The following FN1 variants were observed in gnomAD, a reference collection of about 807,000 sequenced individuals.
FN1 encodes the protein fibronectin 1, also known as fibronectin.
FN1 carries 106 observed loss-of-function variants against 297.3 expected under a neutral mutation model. That is an observed-to-expected ratio of 0.36 (90% CI 0.30 to 0.42). The LOEUF is 0.42. Among genes scored for constraint, FN1 ranks in the 10% least tolerant of loss-of-function variants. FN1 has a pLI of 1.00. For missense variants in FN1, 2,690 were observed against 3,124.9 expected (o/e 0.86, Z 3.32); for synonymous variants, 1,149 against 1,152.6 (o/e 1.00, Z 0.06).
chr2:215,374,871 A>G (rs761727419), intron 38 of FN1, among the ~76,000 whole-genome samples: 1 of 152,226 alleles, frequency 6.6e-6, no homozygotes, highest in Non-Finnish European at 1.5e-5. Context: ...TGCCATATCT[A>G]TAGAGAGCTG....
At chr2:215,370,020 C>T (rs2055529707) in intron 41 of FN1, among the ~76,000 whole-genome samples, 1 of 152,150 alleles carries the variant, frequency 6.6e-6, no homozygotes, top group African/African-American at 2.4e-5. Flanking sequence ...GAGTGTTGTA[C>T]TAAATAATAT....
In FN1 at chr2:215,388,243, C is replaced by T. The variant is rs773040922; in HGVS notation, c.4311G>A (p.Glu1437=). 6.4e-5 allele frequency: 104 copies of T among 1,613,922 alleles called. No homozygotes were observed. Among genetic ancestry groups the T allele is most frequent in the Non-Finnish European group, 8.7e-5 (103 of 1,179,912 alleles). Residue 1437 remains glutamate (E), a synonymous_variant, in exon 27 of 46, where the codon GAG becomes GAA. Coordinates refer to ENST00000354785, the MANE Select transcript of FN1 (RefSeq NM_212482.4). ...VSVSSVYEQH[E]STPLRGRQKT... ...TCTGTCTTCCTCTAAGAGGTGTGCT[C>T]TCATGTTGTTCGTAGACACTGGAGA... is the stretch of plus-strand genomic sequence containing the variant.
At chr2:215,370,566 A>AAAAAAAAAAAAAAAAAC (rs2055778175) in intron 40 of FN1, 134 bp from the exon 41 acceptor site, 1 of 793,658 alleles carries the variant, frequency 1.3e-6, no homozygotes, top group African/African-American at 1.8e-5. Context: ...AAAAAAAAAA[A>AAAAAAAAAAAAAAAAAC]AAGAGGGAGG....
At position 215,414,612 on chromosome 2, in the gene FN1, GC is replaced by G. The variant is rs572815095; in HGVS notation, c.1941+224del. On this transcript the variant is annotated intron_variant, in intron 13 of 45. Transcript: ENST00000354785. The stretch of plus-strand genomic sequence containing the variant: ...AAGAGCTAAATTCTTCCAAATACCA[GC>G]CCCCCCACCGCAAAAAAACAAAACC... 528 of 1,077,606 alleles carry G rather than the reference GC, an allele frequency of 4.9e-4. 3 individuals are homozygous for G. In the African/African-American group the frequency reaches 7.1e-3, roughly 14 times the overall value. The allele number at this position is 1,077,606 out of a possible 1,614,324, so 66.8% of individuals were successfully genotyped here.
intron 15 of FN1, among the ~76,000 whole-genome samples, chr2:215,409,299 GC>G (rs2106294811): frequency 6.6e-6 from 1 of 152,284 alleles, no homozygotes; most frequent in Admixed American, 6.5e-5. Flanking sequence ...CACAGCTTTT[GC>G]TGTAGGAACT....
chr2:215,410,447 A>C (rs2062447648), intron 13 of FN1, among the ~76,000 whole-genome samples: 1 of 152,020 alleles, frequency 6.6e-6, no homozygotes, highest in Non-Finnish European at 1.5e-5. Flanking sequence ...TACAGACGGA[A>C]AAACAGAGTG....
Position 215,383,582 on chromosome 2 carries a change from G to T in FN1, c.4895-99C>A, listed in dbSNP as rs1250203. 0.88 allele frequency: 1,074,053 copies of T among 1,222,090 alleles called. 474,743 individuals carry two copies. Among genetic ancestry groups the T allele is most frequent in the East Asian group, 1 (43,012 of 43,046 alleles). 75.7% of individuals were successfully genotyped at this position (1,222,090 alleles called of 1,614,324 possible). Reference sequence around the variant, plus strand: ...AGGTCTGGTACATATTCGAATGATCGCTTACATGAGAAAGGTATTTCTTCT... The same window carrying T: ...AGGTCTGGTACATATTCGAATGATCTCTTACATGAGAAAGGTATTTCTTCT... On this transcript the variant is annotated intron_variant, in intron 30 of 45. Transcript: ENST00000354785.
intron 28 of FN1, among the ~76,000 whole-genome samples, chr2:215,385,970 G>C (rs2058916098): frequency 6.6e-6 from 1 of 150,912 alleles, no homozygotes; most frequent in African/African-American, 2.4e-5. Flanking sequence ...TAGAGACGAG[G>C]TTTCATCATG....
intron 27 of FN1, 27 bp from the exon 28 acceptor site, chr2:215,386,985 A>AG (rs749350260): frequency 5.0e-6 from 8 of 1,592,040 alleles, no homozygotes; most frequent in Admixed American, 1.8e-5. Flanking sequence ...GGGGAGGAAG[A>AG]GAAAAAAAAA....
In FN1 at chr2:215,390,060, C is replaced by T. The variant is rs537665077; in HGVS notation, c.4252+1572G>A. 3.3e-5 allele frequency among the ~76,000 whole-genome samples: 5 copies of T among 152,348 alleles called. No individual in the cohort carries two copies. In the East Asian group the frequency reaches 5.8e-4, roughly 18 times the overall value. ...TTGCCCTTCAGCGTTTCTATAAAGC[C>T]CCCTACAAAAGTTTGGAAAAGTGCC... On this transcript the variant is annotated intron_variant, in intron 26 of 45. Transcript: ENST00000354785.
chr2:215,410,796 C>T (rs1360547978), intron 13 of FN1, among the ~76,000 whole-genome samples: 4 of 152,170 alleles, frequency 2.6e-5, no homozygotes, highest in African/African-American at 4.8e-5. Flanking sequence ...CGTGAGCCAC[C>T]ACGCCCACCC....
At chr2:215,400,872 T>G (rs2060927513) in intron 20 of FN1, among the ~76,000 whole-genome samples, 1 of 151,124 alleles carries the variant, frequency 6.6e-6, no homozygotes, top group Non-Finnish European at 1.5e-5. Context: ...CTCATCTCAC[T>G]GTAACCTCAG....
At chr2:215,375,601 G>T in intron 37 of FN1, 28 bp downstream of exon 37, 1 of 1,490,294 alleles carries the variant, frequency 6.7e-7, no homozygotes, top group Non-Finnish European at 9.4e-7. Flanking sequence ...CAAGTCAATG[G>T]CATTTCCTCA....
chr2:215,407,672 A>G (rs985464986), intron 17 of FN1, among the ~76,000 whole-genome samples: 4 of 152,146 alleles, frequency 2.6e-5, no homozygotes. Context: ...AACCAGCCTA[A>G]GCAGAGTTGT....
At chr2:215,379,513 T>C in intron 33 of FN1, 196 bp from the exon 34 acceptor site, 1 of 565,258 alleles carries the variant, frequency 1.8e-6, no homozygotes, top group South Asian at 2.2e-5. Context: ...AAATGTGTTT[T>C]ATATCCACCA....
At chr2:215,380,606 T>G in intron 33 of FN1, 2 of 674,064 alleles carry the variant, frequency 3.0e-6, no homozygotes, top group South Asian at 3.7e-5. Context: ...GCCAGGATAC[T>G]CCAAAATTTC....
At chr2:215,401,087 C>G (rs2106192135) in intron 20 of FN1, among the ~76,000 whole-genome samples, 1 of 109,596 alleles carries the variant, frequency 9.1e-6, no homozygotes, top group East Asian at 3.8e-4. Flanking sequence ...TGAGCCATCA[C>G]ACCTGGCCAA....
intron 12 of FN1, 85 bp from the exon 13 acceptor site, chr2:215,415,043 A>G (rs2063245483): frequency 9.5e-7 from 1 of 1,047,950 alleles, no homozygotes; most frequent in East Asian, 2.4e-5. Flanking sequence ...TCATCATTAT[A>G]AACAGCTTTG....
chr2:215,434,691 C>T lies in FN1; in HGVS notation c.277+5G>A. 1 of 1,614,172 alleles carries T rather than the reference C, an allele frequency of 6.2e-7. No individual in the cohort carries two copies. Among genetic ancestry groups the T allele is most frequent in the Non-Finnish European group, 8.5e-7 (1 of 1,180,032 alleles). On this transcript the variant is annotated splice_donor_5th_base_variant and intron_variant, in intron 2 of 45. Transcript: ENST00000354785. ...ATACTAACTATGGGGCTTGTTGTCA[C>T]TTACCTTCAGGTTTACTCTCGCAGT...
Sources: allele counts gnomAD v4.1 joint callset (sites outside exome capture counted in the v4.1 genomes callset), GRCh38; gene constraint gnomAD v4.1.1; transcripts MANE v1.5; gene names NCBI Gene and HGNC (gene_info 2026-07-23, HGNC 2026-07-21).